IFIH1: variants seen among roughly 807,000 people sequenced by gnomAD.
IFIH1 encodes interferon induced with helicase C domain 1.
In IFIH1, 125 loss-of-function variants were observed where a neutral mutation model predicts 107.4. That is an observed-to-expected ratio of 1.16 (90% CI 1.01 to 1.35). IFIH1 has a LOEUF of 1.35. Among genes scored for constraint, IFIH1 ranks in the 40% most tolerant of loss-of-function variants. IFIH1 has a pLI of 0.00. For synonymous variants in IFIH1, 458 were observed against 413.2 expected (o/e 1.11, Z -1.31); for missense variants, 1,333 against 1,213.7 (o/e 1.10, Z -1.46).
intron 1 of IFIH1, among the ~76,000 whole-genome samples, chr2:162,313,093 T>C (rs192009382): frequency 7.5e-4 from 115 of 152,338 alleles, no homozygotes; most frequent in Non-Finnish European, 1.4e-3. Context: ...TTCTTACAAT[T>C]TGAATGTGGA....
intron 8 of IFIH1, 32 bp downstream of exon 8, chr2:162,279,964 C>T (rs1360576916): frequency 4.6e-6 from 5 of 1,089,188 alleles, no homozygotes; most frequent in African/African-American, 1.5e-5. Context: ...GTAGTATTGT[C>T]AATCAATAGA....
At chr2:162,298,577 A>G (rs1683136275) in intron 3 of IFIH1, among the ~76,000 whole-genome samples, 1 of 152,102 alleles carries the variant, frequency 6.6e-6, no homozygotes, top group African/African-American at 2.4e-5. Flanking sequence ...CACGCCTGGA[A>G]GGTCCAAGCT....
At chr2:162,270,943 C>A (rs1250897770) in intron 13 of IFIH1, among the ~76,000 whole-genome samples, 1 of 152,132 alleles carries the variant, frequency 6.6e-6, no homozygotes. Context: ...TAGTGAAACT[C>A]TATTTAAGGT....
intron 4 of IFIH1, 121 bp from the exon 5 acceptor site, chr2:162,288,476 A>C: frequency 1.5e-6 from 1 of 657,948 alleles, no homozygotes; most frequent in Non-Finnish European, 2.6e-6. Flanking sequence ...GTCCAAACCA[A>C]TTCATTTTCT....
chr2:162,297,075 T>C (rs1434895898), intron 3 of IFIH1, among the ~76,000 whole-genome samples: 1 of 152,060 alleles, frequency 6.6e-6, no homozygotes, highest in Middle Eastern at 3.2e-3. Flanking sequence ...AAATATATTG[T>C]ATTTCTTATA....
chr2:162,289,960 C>T (rs1682967454), intron 4 of IFIH1, among the ~76,000 whole-genome samples: 1 of 151,754 alleles, frequency 6.6e-6, no homozygotes, highest in African/African-American at 2.4e-5. Flanking sequence ...CAATGTTAGC[C>T]CTCTGTAGCT....
intron 1 of IFIH1, among the ~76,000 whole-genome samples, chr2:162,313,368 G>A (rs964290648): frequency 3.9e-5 from 6 of 152,110 alleles, no homozygotes; most frequent in Admixed American, 6.5e-5. Flanking sequence ...TCCCCCACTC[G>A]AAGTTTTCTC....
At chr2:162,277,772 T>A (rs905996065) in intron 9 of IFIH1, 79 bp from the exon 10 acceptor site, 2 of 1,474,864 alleles carry the variant, frequency 1.4e-6, no homozygotes, top group Non-Finnish European at 1.8e-6. Context: ...TGAATATATG[T>A]TACTAACTGC....
intron 1 of IFIH1, among the ~76,000 whole-genome samples, chr2:162,315,861 C>T (rs938238125): frequency 6.6e-6 from 1 of 152,172 alleles, no homozygotes; most frequent in African/African-American, 2.4e-5. Context: ...AAATGATGCA[C>T]ACAAAAATTA....
chr2:162,276,335 G>A (rs186942021), intron 11 of IFIH1, among the ~76,000 whole-genome samples: 23 of 152,210 alleles, frequency 1.5e-4, no homozygotes, highest in African/African-American at 5.5e-4. Flanking sequence ...GAGCGCAGTG[G>A]CTCGTGCCTA....
Position 162,267,157 on chromosome 2 carries a change from A to G in IFIH1, c.*43T>C, listed in dbSNP as rs750808448. ...GAATACATTAATCATAATCATATTA[A>G]ATGTTTAACTGATAGTATTTTAAAA... On this transcript the variant is annotated 3_prime_UTR_variant, in exon 16 of 16. Transcript: ENST00000649979. The G allele has an allele frequency of 3.1e-6, 4 of 1,300,942 alleles. No individual in the cohort carries two copies. In the Admixed American group the frequency reaches 9.1e-5, roughly 29 times the overall value. 80.6% of individuals were successfully genotyped at this position (1,300,942 alleles called of 1,614,324 possible). A position where few individuals can be genotyped will look rare whatever the true frequency, so the allele number is the denominator to read the frequency against.
At chr2:162,310,718 T>C (rs1220638318) in intron 2 of IFIH1, 47 bp downstream of exon 2, 1 of 1,508,596 alleles carries the variant, frequency 6.6e-7, no homozygotes, top group Non-Finnish European at 9.2e-7. Flanking sequence ...GAATTCTCAA[T>C]CACTAGGCAG....
At chr2:162,302,254 T>C (rs565834912) in intron 3 of IFIH1, among the ~76,000 whole-genome samples, 12 of 152,332 alleles carry the variant, frequency 7.9e-5, no homozygotes, top group Admixed American at 6.5e-4. Flanking sequence ...GCATTAAAGC[T>C]ATAAATAATT....
intron 2 of IFIH1, 113 bp from the exon 3 acceptor site, chr2:162,306,968 C>A: frequency 2.5e-6 from 2 of 811,158 alleles, no homozygotes; most frequent in Non-Finnish European, 3.9e-6. Context: ...ATAGAGATTG[C>A]CTGAATATAT....
intron 7 of IFIH1, among the ~76,000 whole-genome samples, chr2:162,280,871 G>T (rs7577603): frequency 0.09 from 13,668 of 152,016 alleles, 2,081 homozygotes; most frequent in African/African-American, 0.31. Context: ...CATCTTTAAA[G>T]ATCTTCATAT....
intron 3 of IFIH1, among the ~76,000 whole-genome samples, chr2:162,296,665 T>C (rs922209780): frequency 2.6e-5 from 4 of 152,166 alleles, no homozygotes; most frequent in Non-Finnish European, 5.9e-5. Flanking sequence ...ACATTTTCAT[T>C]GTATTGTCAC....
intron 1 of IFIH1, 99 bp from the exon 2 acceptor site, chr2:162,311,032 G>T: frequency 1.2e-6 from 1 of 860,320 alleles, no homozygotes; most frequent in Non-Finnish European, 1.8e-6. Flanking sequence ...TTAAGCATAA[G>T]TATAAATAAA....
chr2:162,276,447 A>G (rs1691156237), intron 11 of IFIH1, among the ~76,000 whole-genome samples: 1 of 152,104 alleles, frequency 6.6e-6, no homozygotes, highest in South Asian at 2.1e-4. Context: ...TACAAAAAAG[A>G]TAAAAAAATT....
In IFIH1 at chr2:162,267,178, T is replaced by C; in HGVS notation, c.*22A>G. ...ATTAAATGTTTAACTGATAGTATTTTAAAAGAATCTTCAATCAAGTGCTAA... is the reference window on the plus strand; with the variant it reads ...ATTAAATGTTTAACTGATAGTATTTCAAAAGAATCTTCAATCAAGTGCTAA... On this transcript the variant is annotated 3_prime_UTR_variant, in exon 16 of 16. Coordinates refer to ENST00000649979, the MANE Select transcript of IFIH1 (RefSeq NM_022168.4). The C allele has an allele frequency of 1.3e-6, 2 of 1,506,042 alleles. No individual in the cohort carries two copies. Among genetic ancestry groups the C allele is most frequent in the Non-Finnish European group, 1.8e-6 (2 of 1,112,660 alleles). 93.3% of individuals were successfully genotyped at this position (1,506,042 alleles called of 1,614,324 possible).
Sources: allele counts gnomAD v4.1 joint callset (sites outside exome capture counted in the v4.1 genomes callset), GRCh38; gene constraint gnomAD v4.1.1; transcripts MANE v1.5; gene names NCBI Gene and HGNC (gene_info 2026-07-23, HGNC 2026-07-21).